Variants in KLF12 observed in about 807,000 individuals in gnomAD.
The protein encoded by KLF12 is KLF transcription factor 12.
In KLF12, 9 loss-of-function variants were observed where a neutral mutation model predicts 37.8. The observed-to-expected ratio is 0.24, with a 90% CI of 0.14 to 0.42. KLF12 has a LOEUF of 0.42. Among genes scored for constraint, KLF12 ranks in the 10% least tolerant of loss-of-function variants. KLF12 has a pLI of 1.00. For synonymous variants in KLF12, 208 were observed against 202.1 expected (o/e 1.03, Z -0.25); for missense variants, 411 against 516.0 (o/e 0.80, Z 1.97).
chr13:73,715,257 T>C (rs1875710745), intron 7 of KLF12, 111 bp downstream of exon 7: 3 of 810,900 alleles, frequency 3.7e-6, no homozygotes, highest in Non-Finnish European at 5.7e-6. Context: ...AGGAGGGAAC[T>C]GGACTTGAGA....
intron 5 of KLF12, among the ~76,000 whole-genome samples, chr13:73,773,592 CCA>C (rs1880405229): frequency 6.6e-6 from 1 of 152,092 alleles, no homozygotes; most frequent in Non-Finnish European, 1.5e-5. Context: ...TGTTCCATTT[CCA>C]CAGTTACTCA....
chr13:73,889,555 A>G (rs1187406839), intron 3 of KLF12, among the ~76,000 whole-genome samples: 1 of 152,192 alleles, frequency 6.6e-6, no homozygotes, highest in East Asian at 1.9e-4. Context: ...TCAATTACCA[A>G]GTACTGTGAC....
At chr13:73,979,032 G>A (rs1424845529) in intron 2 of KLF12, among the ~76,000 whole-genome samples, 2 of 152,356 alleles carry the variant, frequency 1.3e-5, no homozygotes, top group African/African-American at 4.8e-5. Flanking sequence ...TGAACAGGAA[G>A]AGCACTGAGG....
chr13:73,910,039 T>C (rs543917301), intron 3 of KLF12, among the ~76,000 whole-genome samples: 45 of 152,274 alleles, frequency 3.0e-4, no homozygotes, highest in South Asian at 6.2e-4. Context: ...CATTGATAAA[T>C]TGATATGCAG....
At chr13:74,284,392 G>T in the KLF12 span, among the ~76,000 whole-genome samples, 2 of 152,268 alleles carry the variant, frequency 1.3e-5, no homozygotes, top group East Asian at 3.9e-4. Context: ...TTCAGAATGT[G>T]ATCCTCAGCT....
the KLF12 span, among the ~76,000 whole-genome samples, chr13:74,146,113 G>A: frequency 2.6e-5 from 4 of 152,228 alleles, no homozygotes; most frequent in African/African-American, 9.6e-5. Context: ...GTACTTAAAA[G>A]GCATTAATAG....
At chr13:74,133,289 G>A (rs865940703) in intron 1 of KLF12, among the ~76,000 whole-genome samples, 9 of 151,980 alleles carry the variant, frequency 5.9e-5, no homozygotes, top group Admixed American at 2.0e-4. Context: ...CCCCGCTCGA[G>A]GCCGGGGGGC....
intron 6 of KLF12, among the ~76,000 whole-genome samples, chr13:73,744,456 A>G (rs1878225606): frequency 6.6e-6 from 1 of 151,990 alleles, no homozygotes; most frequent in South Asian, 2.1e-4. Flanking sequence ...TTTTCAAGAT[A>G]GGCCTTTATA....
At chr13:73,714,157 G>A (rs1875613904) in intron 7 of KLF12, among the ~76,000 whole-genome samples, 1 of 152,138 alleles carries the variant, frequency 6.6e-6, no homozygotes, top group Non-Finnish European at 1.5e-5. Flanking sequence ...AAGTAGAAAA[G>A]AGAGGCTGGG....
At position 73,773,876 on chromosome 13, in the gene KLF12, C is replaced by T. The variant is rs561763502; in HGVS notation, c.807-8876G>A. On this transcript the variant is annotated intron_variant, in intron 5 of 7. Transcript: ENST00000377669. The stretch of plus-strand genomic sequence containing the variant: ...TCCTTTTATTCACAGCCCCCCTTAC[C>T]AGCCCCACCTAGTTTACTCCTACCC... Among the ~76,000 whole-genome samples, 4 of 152,202 alleles carry T rather than the reference C, an allele frequency of 2.6e-5. No individual in the cohort carries two copies. The East Asian group carries it at 7.7e-4, about 29-fold the overall frequency.
chr13:74,010,932 G>A (rs1892534709), intron 1 of KLF12, among the ~76,000 whole-genome samples: 1 of 152,160 alleles, frequency 6.6e-6, no homozygotes, highest in Admixed American at 6.5e-5. Context: ...AGATCATTCT[G>A]AAAATCCATC....
At chr13:74,147,659 T>C in the KLF12 span, among the ~76,000 whole-genome samples, 1 of 152,170 alleles carries the variant, frequency 6.6e-6, no homozygotes, top group Non-Finnish European at 1.5e-5. Context: ...ATACCTCCAG[T>C]CTGACCTCAA....
intron 1 of KLF12, among the ~76,000 whole-genome samples, chr13:74,100,297 T>C (rs530490214): frequency 6.6e-6 from 1 of 152,134 alleles, no homozygotes; most frequent in Non-Finnish European, 1.5e-5. Flanking sequence ...ATTGGAAAAA[T>C]AAGTATGAAC....
At chr13:74,243,126 C>G in the KLF12 span, among the ~76,000 whole-genome samples, 1 of 152,082 alleles carries the variant, frequency 6.6e-6, no homozygotes, top group Non-Finnish European at 1.5e-5. Flanking sequence ...CCCTGACAGG[C>G]CCCGGTGTGT....
intron 2 of KLF12, among the ~76,000 whole-genome samples, chr13:73,967,393 G>A (rs912107833): frequency 6.6e-6 from 1 of 152,270 alleles, no homozygotes; most frequent in South Asian, 2.1e-4. Context: ...AGAATACAGT[G>A]GATGATGTGT....
intron 2 of KLF12, among the ~76,000 whole-genome samples, chr13:73,967,009 T>C (rs1891187385): frequency 6.6e-6 from 1 of 152,192 alleles, no homozygotes; most frequent in Non-Finnish European, 1.5e-5. Flanking sequence ...ACTTCCAGGA[T>C]ATGCGTAAGG....
At chr13:73,773,962 T>C (rs1880428127) in intron 5 of KLF12, among the ~76,000 whole-genome samples, 2 of 152,156 alleles carry the variant, frequency 1.3e-5, no homozygotes, top group Admixed American at 6.6e-5. Flanking sequence ...AACTGGATCA[T>C]GTCTCCACCT....
intron 3 of KLF12, among the ~76,000 whole-genome samples, chr13:73,914,828 G>A (rs1029055912): frequency 3.3e-5 from 5 of 151,498 alleles, no homozygotes; most frequent in South Asian, 4.2e-4. Flanking sequence ...TTTTCCTTTT[G>A]GGATCCTACA....
chr13:74,142,828 G>A, the KLF12 span, among the ~76,000 whole-genome samples: 1 of 152,144 alleles, frequency 6.6e-6, no homozygotes, highest in African/African-American at 2.4e-5. Flanking sequence ...TATGTACTCA[G>A]TTAATTTAAT....
Sources: allele counts gnomAD v4.1 joint callset (sites outside exome capture counted in the v4.1 genomes callset), GRCh38; gene constraint gnomAD v4.1.1; transcripts MANE v1.5; gene names NCBI Gene and HGNC (gene_info 2026-07-23, HGNC 2026-07-21).